Variants in ZFHX3 observed in about 807,000 individuals in gnomAD.
ZFHX3 encodes the protein zinc finger homeobox protein 3.
A neutral mutation model predicts 279.1 loss-of-function variants in ZFHX3; 42 were observed. The observed-to-expected ratio is 0.15, with a 90% confidence interval of 0.12 to 0.19. ZFHX3 has a LOEUF of 0.19. Ranked by LOEUF, ZFHX3 falls within the 10% of genes least tolerant of loss-of-function variation. The probability of loss-of-function intolerance (pLI) is 1.00; values close to 1 mark genes in which losing one functional copy is unlikely to be tolerated. For synonymous variants in ZFHX3, 2,293 were observed against 1,957.8 expected (o/e 1.17, Z -4.52); for missense variants, 4,981 against 4,754.0 (o/e 1.05, Z -1.40).
chr16:72,933,109 A>C (rs567255447), intron 3 of ZFHX3, among the ~76,000 whole-genome samples: 7 of 152,274 alleles, frequency 4.6e-5, no homozygotes, highest in Non-Finnish European at 8.8e-5. Flanking sequence ...CTGCCACACC[A>C]ACATGTGCCC....
intron 3 of ZFHX3, among the ~76,000 whole-genome samples, chr16:73,350,009 T>C (rs2016208905): frequency 2.6e-5 from 4 of 151,298 alleles, no homozygotes; most frequent in South Asian, 2.1e-4. Context: ...TTCTTTATTC[T>C]GGAATAAAGA....
chr16:73,618,967 T>C (rs2052331281), intron 2 of ZFHX3, among the ~76,000 whole-genome samples: 1 of 152,092 alleles, frequency 6.6e-6, no homozygotes, highest in Admixed American at 6.6e-5. Flanking sequence ...ATTTAGAGGG[T>C]ACTTCTGGAG....
At chr16:73,633,020 A>C (rs1217545932) in intron 2 of ZFHX3, among the ~76,000 whole-genome samples, 1 of 152,218 alleles carries the variant, frequency 6.6e-6, no homozygotes, top group Non-Finnish European at 1.5e-5. Context: ...AGGAGCTTGC[A>C]GTGAGCTGGG....
At chr16:73,092,928 T>A (rs774172285) in intron 8 of ZFHX3, 16 of 520,100 alleles carry the variant, frequency 3.1e-5, no homozygotes, top group South Asian at 2.2e-4. Flanking sequence ...CCCATGCTAG[T>A]TGCAGAGAAA....
At chr16:73,323,768 G>T (rs2015627396) in intron 3 of ZFHX3, among the ~76,000 whole-genome samples, 1 of 152,180 alleles carries the variant, frequency 6.6e-6, no homozygotes, top group Non-Finnish European at 1.5e-5. Context: ...GACCAGTGAA[G>T]ACTCTGAGAG....
intron 3 of ZFHX3, among the ~76,000 whole-genome samples, chr16:72,938,489 C>T (rs941023700): frequency 6.6e-6 from 1 of 152,224 alleles, no homozygotes; most frequent in South Asian, 2.1e-4. Context: ...AGAAGACAGG[C>T]GTCCGAATGT....
At chr16:73,467,378 A>T (rs1460554866) in intron 2 of ZFHX3, among the ~76,000 whole-genome samples, 2 of 152,236 alleles carry the variant, frequency 1.3e-5, no homozygotes, top group Non-Finnish European at 2.9e-5. Context: ...CTAGGTCACA[A>T]TTCTTGGCTC....
chr16:72,823,584 T>C (rs1037310549), intron 5 of ZFHX3, among the ~76,000 whole-genome samples: 11 of 152,208 alleles, frequency 7.2e-5, no homozygotes, highest in African/African-American at 1.9e-4. Flanking sequence ...CTGACCTCCA[T>C]TGAGAAAGCC....
rs143129685 is a variant in ZFHX3, at chr16:73,488,513, C to T, written c.-1546-32255G>A. Among the ~76,000 whole-genome samples, 873 of 152,220 alleles carry T rather than the reference C, an allele frequency of 5.7e-3. 4 individuals carry two copies. Among genetic ancestry groups the T allele is most frequent in the Non-Finnish European group, 7.5e-3 (511 of 68,022 alleles). The stretch of plus-strand genomic sequence containing the variant: ...ATGAAAATAGGTGGTGGTATTGACA[C>T]GGATGGAAACAACTGGCAGATCTCA... On this transcript the variant is annotated intron_variant, in intron 2 of 17. Coordinates refer to the ZFHX3 transcript ENST00000641206.
At chr16:73,064,120 G>T (rs1419384467), upstream of ZFHX3, among the ~76,000 whole-genome samples, 1 of 152,052 alleles carries the variant, frequency 6.6e-6, no homozygotes, top group African/African-American at 2.4e-5. Context: ...GAGTTTTTTG[G>T]TGGGAAAAGA....
At chr16:73,210,576 C>T (rs2011977412) in intron 5 of ZFHX3, among the ~76,000 whole-genome samples, 1 of 152,210 alleles carries the variant, frequency 6.6e-6, no homozygotes, top group Non-Finnish European at 1.5e-5. Flanking sequence ...AGAGTTATTC[C>T]TATTGACCTG....
rs963805338 is a variant in ZFHX3, at chr16:72,944,572, A to G, written c.3216+5897T>C. 1.0e-4 allele frequency among the ~76,000 whole-genome samples: 13 copies of G among 125,112 alleles called. 1 individual carries two copies. Among genetic ancestry groups the G allele is most frequent in the Non-Finnish European group, 6.4e-5 (4 of 62,420 alleles). The allele number at this position is 125,112 out of a possible 152,430, so 82.1% of individuals were successfully genotyped here. On this transcript the variant is annotated intron_variant, in intron 3 of 9. Transcript: ENST00000268489. ...GTCATTCCAATTTTGTAAAATTCCT[A>G]TGTTACATGCAAAAATAAAAATCCA...
At chr16:73,772,517 A>G (rs928894323) in intron 1 of ZFHX3, among the ~76,000 whole-genome samples, 26 of 152,214 alleles carry the variant, frequency 1.7e-4, no homozygotes, top group African/African-American at 6.0e-4. Context: ...AGGTGGGGAC[A>G]CAGCCAAACC....
chr16:72,796,805 C>T lies in ZFHX3; in HGVS notation c.5877G>A (p.Gln1959=), dbSNP rs149123429. The change falls in exon 9 of 10, where the codon CAG becomes CAA. Residue 1959 remains glutamine, a synonymous_variant. Coordinates refer to ENST00000268489, the MANE Select transcript of ZFHX3 (RefSeq NM_006885.4). ...GCACCTTCTGCTTGTTCTCATTATA[C>T]TGGATGACCAACTCAAAGCCAAAGT... ...LENFGFELVI[Q]YNENKQKVQK... 1 of 1,613,298 alleles carries T rather than the reference C, an allele frequency of 6.2e-7. No individual in the cohort carries two copies. Among genetic ancestry groups the T allele is most frequent in the African/African-American group, 1.3e-5 (1 of 74,668 alleles).
At chr16:73,607,245 T>C (rs1340568596) in intron 2 of ZFHX3, among the ~76,000 whole-genome samples, 1 of 152,116 alleles carries the variant, frequency 6.6e-6, no homozygotes, top group Non-Finnish European at 1.5e-5. Context: ...GCCAGGCTGG[T>C]CTCGAACTCC....
At chr16:73,738,222 G>A (rs16972424) in intron 1 of ZFHX3, among the ~76,000 whole-genome samples, 3,862 of 152,284 alleles carry the variant, frequency 0.025, 94 homozygotes, top group African/African-American at 0.052. Context: ...TTGTCTAGAT[G>A]CTGTGAATGG....
chr16:73,669,745 T>C (rs536563894), intron 2 of ZFHX3, among the ~76,000 whole-genome samples: 6 of 152,338 alleles, frequency 3.9e-5, no homozygotes, highest in Admixed American at 2.0e-4. Flanking sequence ...CAACTAAGCT[T>C]GTTTCCTGGT....
Position 72,890,891 on chromosome 16 carries a change from C to A in ZFHX3, c.3217-929G>T, listed in dbSNP as rs553346541. 3.3e-5 allele frequency among the ~76,000 whole-genome samples: 5 copies of A among 152,322 alleles called. No individual in the cohort carries two copies. In the South Asian group the frequency reaches 1.0e-3, roughly 32 times the overall value. On this transcript the variant is annotated intron_variant, in intron 3 of 9. Transcript: ENST00000268489. ...GTTATGACAGAGATGGTATAGTCCA[C>A]AAAGTCTAGATTATTACTATAGAAA...
At position 72,861,961 on chromosome 16, in the gene ZFHX3, G is replaced by A. The variant is rs1488200792; in HGVS notation, c.3448+27770C>T. The stretch of plus-strand genomic sequence containing the variant: ...ACCCGGGAGGCAGAGGCTGCAATGA[G>A]TCAAGATCATGCCACTGCACTCTAG... On this transcript the variant is annotated intron_variant, in intron 4 of 9. Transcript: ENST00000268489. Among the ~76,000 whole-genome samples, 4 of 152,190 alleles carry A rather than the reference G, an allele frequency of 2.6e-5. No homozygotes were observed. The East Asian group carries it at 5.8e-4, about 22-fold the overall frequency.
Sources: allele counts gnomAD v4.1 joint callset (sites outside exome capture counted in the v4.1 genomes callset), GRCh38; gene constraint gnomAD v4.1.1; transcripts MANE v1.5; gene names NCBI Gene and HGNC (gene_info 2026-07-23, HGNC 2026-07-21).